Variants in RPN1 observed in about 807,000 individuals in gnomAD.
RPN1 encodes the protein dolichyl-diphosphooligosaccharide--protein glycosyltransferase subunit 1.
In RPN1, 12 loss-of-function variants were observed where a neutral mutation model predicts 55.5. That is an observed-to-expected ratio of 0.22 (90% CI 0.14 to 0.35). RPN1 has a LOEUF of 0.35. Among genes scored for constraint, RPN1 ranks in the 10% least tolerant of loss-of-function variants. RPN1 has a pLI of 1.00. For missense variants in RPN1, 679 were observed against 761.3 expected (o/e 0.89, Z 1.27); for synonymous variants, 317 against 305.9 (o/e 1.04, Z -0.38).
At chr3:128,625,031 C>T (rs1036726011) in intron 8 of RPN1, among the ~76,000 whole-genome samples, 3 of 152,100 alleles carry the variant, frequency 2.0e-5, no homozygotes, top group African/African-American at 7.2e-5. Flanking sequence ...AAGAAAAGAG[C>T]AAGAGGATGA....
chr3:128,622,673 T>A (rs2069569138), intron 8 of RPN1, among the ~76,000 whole-genome samples: 1 of 151,860 alleles, frequency 6.6e-6, no homozygotes, highest in African/African-American at 2.4e-5. Flanking sequence ...GGTGGGCAGA[T>A]CACGAGGTCA....
At chr3:128,635,661 A>C (rs9681517) in intron 3 of RPN1, among the ~76,000 whole-genome samples, 46,288 of 118,258 alleles carry the variant, frequency 0.39, 8,538 homozygotes, top group Middle Eastern at 0.43. Flanking sequence ...ATATATATAT[A>C]TATAGATATC....
intron 5 of RPN1, chr3:128,627,114 G>A (rs1273512565): frequency 5.0e-6 from 2 of 396,622 alleles, no homozygotes; most frequent in African/African-American, 4.1e-5. Flanking sequence ...TGATGGGCTT[G>A]AGAACAGCAG....
intron 8 of RPN1, among the ~76,000 whole-genome samples, chr3:128,623,549 C>CT (rs2069575768): frequency 1.1e-5 from 1 of 91,210 alleles, no homozygotes; most frequent in Non-Finnish European, 2.4e-5. Context: ...AGAAAAAAAA[C>CT]ATTTTTTTAA....
Position 128,625,650 on chromosome 3 carries a change from G to A in RPN1, c.1279C>T (p.His427Tyr). 6.2e-7 allele frequency: 1 copy of A among 1,614,058 alleles called. No homozygotes were observed. Among genetic ancestry groups the A allele is most frequent in the Non-Finnish European group, 8.5e-7 (1 of 1,180,024 alleles). Reference sequence around the variant, plus strand: ...ATGAGCACCTTGTTGAACGTGTAGTGGACCTGGGAGAAGCAAGAGGACAGG... The same window carrying A: ...ATGAGCACCTTGTTGAACGTGTAGTAGACCTGGGAGAAGCAAGAGGACAGG... ...VEQHIQDIVV[H>Y]YTFNKVLMLQ... is the part of the protein sequence containing the mutation. The change falls in exon 8 of 10, where the codon CAC becomes TAC. Residue 427 changes from histidine to tyrosine, a missense_variant. By Grantham distance (83) the His-to-Tyr change is moderately conservative. Transcript: ENST00000296255.
rs373405207 is a variant in RPN1, at chr3:128,631,955, G to A, written c.836C>T (p.Ser279Phe). 4 of 1,613,946 alleles carry A rather than the reference G, an allele frequency of 2.5e-6. No homozygotes were observed. The African/African-American group carries it at 5.3e-5, about 22-fold the overall frequency. ...QPDSGISSIR[S>F]FKTILPAAAQ... The stretch of plus-strand genomic sequence containing the variant: ...AAGTTGAACATTCCATACCTTAAAA[G>A]AACGGATGGAGGATATTCCACTATC... Residue 279 changes from serine (S) to phenylalanine (F), a missense_variant, in exon 4 of 10, where the codon TCT becomes TTT. By Grantham distance (155) the Ser-to-Phe change is radical. Transcript: ENST00000296255.
intron 3 of RPN1, 77 bp downstream of exon 3, chr3:128,637,722 A>G: frequency 6.8e-7 from 1 of 1,465,148 alleles, no homozygotes; most frequent in Admixed American, 1.8e-5. Flanking sequence ...ACACCACCCA[A>G]GCCTATCAAC....
intron 3 of RPN1, 41 bp downstream of exon 3, chr3:128,637,758 C>G: frequency 6.3e-7 from 1 of 1,584,718 alleles, no homozygotes; most frequent in Non-Finnish European, 8.6e-7. Flanking sequence ...AAGACATTCT[C>G]TGAAGCAGAC....
chr3:128,629,283 G>A (rs2069624896), intron 5 of RPN1, among the ~76,000 whole-genome samples: 1 of 151,974 alleles, frequency 6.6e-6, no homozygotes, highest in Non-Finnish European at 1.5e-5. Context: ...AGACTTGGCC[G>A]GGCATGGTGG....
intron 5 of RPN1, among the ~76,000 whole-genome samples, chr3:128,629,163 C>T (rs1372606945): frequency 6.6e-6 from 1 of 150,958 alleles, no homozygotes; most frequent in Admixed American, 6.7e-5. Flanking sequence ...GATTTCTTGA[C>T]AGGAGGGGGT....
chr3:128,641,978 G>T (rs2069729030), intron 2 of RPN1, among the ~76,000 whole-genome samples: 1 of 152,058 alleles, frequency 6.6e-6, no homozygotes, highest in Admixed American at 6.6e-5. Flanking sequence ...GGAAACTGAG[G>T]AAAATGCTAG....
chr3:128,646,308 C>G (rs2069768082), intron 1 of RPN1, among the ~76,000 whole-genome samples: 1 of 150,676 alleles, frequency 6.6e-6, no homozygotes, highest in Non-Finnish European at 1.5e-5. Context: ...TGGTTTCGAA[C>G]TCTTGGGCTC....
At chr3:128,629,472 G>C (rs2069626187) in intron 5 of RPN1, among the ~76,000 whole-genome samples, 1 of 152,052 alleles carries the variant, frequency 6.6e-6, no homozygotes, top group South Asian at 2.1e-4. Context: ...TGAGGCAGGA[G>C]AATCGCTTGA....
Position 128,635,636 on chromosome 3 carries a change from TATAG to T in RPN1, c.633+2159_633+2162del, listed in dbSNP as rs1314575153. ...AGATATATATATATATATATATATA[TATAG>T]ATATATATATATATATATATATATA... On this transcript the variant is annotated intron_variant, in intron 3 of 9. Transcript: ENST00000296255. Among the ~76,000 whole-genome samples, 318 of 52,322 alleles carry T rather than the reference TATAG, an allele frequency of 6.1e-3. 2 individuals are homozygous for T. Among genetic ancestry groups the T allele is most frequent in the African/African-American group, 0.015 (188 of 12,636 alleles). 34.3% of individuals were successfully genotyped at this position (52,322 alleles called of 152,430 possible).
chr3:128,647,188 T>G (rs1203439446), intron 1 of RPN1, among the ~76,000 whole-genome samples: 3 of 152,062 alleles, frequency 2.0e-5, no homozygotes, highest in African/African-American at 7.3e-5. Context: ...CCCACTGATC[T>G]CTCTGCCAAC....
Position 128,625,549 on chromosome 3 carries a change from G to T in RPN1, c.1380C>A (p.Asp460Glu). The part of the protein sequence containing the change: ...FFTVIIYVRL[D>E]FSITKDPAAE... ...GAGACGGTACCTTGGTGATGGAGAA[G>T]TCCAGCCGAACATAGATGATAACGG... The change falls in exon 8 of 10, where the codon GAC (aspartate) becomes GAA (glutamate). Residue 460 changes from aspartate to glutamate, a missense_variant. Around this residue, in one of 3 missense-constraint regions of RPN1, gnomAD observed 306 missense variants for 360.0 expected, o/e 0.85. Transcript: ENST00000296255. 1 of 1,614,078 alleles carries T rather than the reference G, an allele frequency of 6.2e-7. No homozygotes were observed. Among genetic ancestry groups the T allele is most frequent in the Non-Finnish European group, 8.5e-7 (1 of 1,180,020 alleles).
Position 128,644,985 on chromosome 3 carries a change from T to G in RPN1, c.262-2A>C, listed in dbSNP as rs200354372. On this transcript the variant is annotated splice_acceptor_variant, in intron 1 of 9. Transcript: ENST00000296255. LOFTEE classifies it high-confidence loss of function. ...CTCTTCCTCATCTTCTCCCTTTACC[T>G]ACAACAGAAAAAGATAGTTTATTAT... 1.2e-5 allele frequency: 18 copies of G among 1,540,208 alleles called. No homozygotes were observed. In the Admixed American group the frequency reaches 2.3e-4, roughly 20 times the overall value.
At position 128,648,289 on chromosome 3, in the gene RPN1, G is replaced by A. The variant is rs374695193; in HGVS notation, c.261+2251C>T. Among the ~76,000 whole-genome samples, 67 of 152,190 alleles carry A rather than the reference G, an allele frequency of 4.4e-4. No homozygotes were observed. The East Asian group carries it at 9.8e-3, about 22-fold the overall frequency. ...ACGCGCCTGTAGTCCCAGCTACTCC[G>A]GAGGCTGAGGCAGGAGAATCACTTG... On this transcript the variant is annotated intron_variant, in intron 1 of 9. Transcript: ENST00000296255.
In RPN1 at chr3:128,626,648, C is replaced by T. The variant is rs1576792568; in HGVS notation, c.1136+85G>A. On this transcript the variant is annotated intron_variant, in intron 6 of 9. Coordinates refer to ENST00000296255, the MANE Select transcript of RPN1 (RefSeq NM_002950.4). ...AGAGAAAAGTGACACAAAGACTGTG[C>T]CCCTAGAACATAGGCTCTCCTTAGG... The T allele has an allele frequency of 6.1e-6, 7 of 1,147,514 alleles. No homozygotes were observed. In the East Asian group the frequency reaches 1.4e-4, roughly 23 times the overall value. The allele number at this position is 1,147,514 out of a possible 1,614,324, so 71.1% of individuals were successfully genotyped here.
Sources: allele counts gnomAD v4.1 joint callset (sites outside exome capture counted in the v4.1 genomes callset), GRCh38; gene constraint gnomAD v4.1.1; regional missense constraint gnomAD v4.1.1; transcripts MANE v1.5; gene names NCBI Gene and HGNC (gene_info 2026-07-23, HGNC 2026-07-21).